The following WWOX variants were observed in gnomAD, a reference collection of about 807,000 sequenced individuals.
WWOX encodes the protein WW domain-containing oxidoreductase.
A neutral mutation model predicts 46.2 loss-of-function variants in WWOX; 69 were observed. That is an observed-to-expected ratio of 1.49 (90% CI 1.23 to 1.82). The LOEUF (loss-of-function observed/expected upper bound fraction) is 1.82, where lower values mean the gene tolerates loss of function less well. Among genes scored for constraint, WWOX ranks in the 40% most tolerant of loss-of-function variants. The probability of loss-of-function intolerance (pLI) is 0.00; values close to 1 mark genes in which losing one functional copy is unlikely to be tolerated. For synonymous variants in WWOX, 359 were observed against 202.6 expected (o/e 1.77, Z -6.56); for missense variants, 919 against 542.6 (o/e 1.69, Z -6.89).
intron 8 of WWOX, among the ~76,000 whole-genome samples, chr16:78,726,160 T>G (rs1159353414): frequency 6.8e-6 from 1 of 147,184 alleles, no homozygotes; most frequent in Non-Finnish European, 1.5e-5. Context: ...TCTTTCTCTT[T>G]CTGTGTCTCT....
rs1158669462 is a variant in WWOX at position 79,212,163 on chromosome 16, A to T, written c.*367A>T. ...CCCCTCGTCCCATCCAGCTACCACC[A>T]CGGCCACCACTGCAGCCGGGGGCTG... On this transcript the variant is annotated 3_prime_UTR_variant, in exon 9 of 9. Transcript: ENST00000566780. 1 of 1,494,218 alleles carries T rather than the reference A, an allele frequency of 6.7e-7. No individual in the cohort carries two copies. The highest frequency in any genetic ancestry group is 8.9e-7 in the Non-Finnish European group (1 of 1,127,704). 92.6% of individuals were successfully genotyped at this position (1,494,218 alleles called of 1,614,324 possible).
At chr16:78,710,309 T>C (rs1057278042) in intron 8 of WWOX, among the ~76,000 whole-genome samples, 2 of 151,298 alleles carry the variant, frequency 1.3e-5, no homozygotes, top group Admixed American at 6.6e-5. Flanking sequence ...TCTCTGAAAG[T>C]AGTCTTCAAG....
At chr16:78,630,757 C>G (rs1597371828) in intron 8 of WWOX, among the ~76,000 whole-genome samples, 1 of 152,100 alleles carries the variant, frequency 6.6e-6, no homozygotes, top group South Asian at 2.1e-4. Context: ...AACCACCAAA[C>G]CTGGGTTGGC....
intron 8 of WWOX, among the ~76,000 whole-genome samples, chr16:78,966,554 GT>G (rs1457716303): frequency 6.6e-6 from 1 of 151,374 alleles, no homozygotes; most frequent in Non-Finnish European, 1.5e-5. Flanking sequence ...AATTTAGATT[GT>G]TTCTAAATTT....
intron 8 of WWOX, chr16:78,996,376 A>ACCCCCCCCCCCCCCC (rs1338159064): frequency 9.1e-6 from 4 of 438,794 alleles, no homozygotes; most frequent in African/African-American, 5.3e-5. Flanking sequence ...TTCTGCACCC[A>ACCCCCCCCCCCCCCC]CCCCCGCCCC....
intron 8 of WWOX, among the ~76,000 whole-genome samples, chr16:78,926,652 A>C (rs1281113650): frequency 6.6e-6 from 1 of 152,178 alleles, no homozygotes; most frequent in Non-Finnish European, 1.5e-5. Context: ...TGGGCAGCAT[A>C]CACTGGTATG....
chr16:79,049,657 G>A (rs917699881), intron 8 of WWOX, among the ~76,000 whole-genome samples: 6 of 152,010 alleles, frequency 3.9e-5, no homozygotes, highest in East Asian at 1.9e-4. Flanking sequence ...CCATGATGGC[G>A]AAACCCCGTC....
chr16:78,886,639 C>CATATATATATATAT lies in WWOX; in HGVS notation c.1057-324964_1057-324951dup, dbSNP rs3085495. Among the ~76,000 whole-genome samples, 234 of 144,828 alleles carry CATATATATATATAT rather than the reference C, an allele frequency of 1.6e-3. 1 individual carries two copies. Among genetic ancestry groups the CATATATATATATAT allele is most frequent in the South Asian group, 6.5e-3 (30 of 4,640 alleles). On this transcript the variant is annotated intron_variant, in intron 8 of 8. Coordinates refer to ENST00000566780, the MANE Select transcript of WWOX (RefSeq NM_016373.4). ...CTATATAAAATATTACAAAGAAAAACATATATATATATATATATGTAAAAT... is the reference window on the plus strand; with the variant it reads ...CTATATAAAATATTACAAAGAAAAACATATATATATATATATATATATATATATATATGTAAAAT...
At chr16:78,974,787 T>A (rs906621582) in intron 8 of WWOX, among the ~76,000 whole-genome samples, 2 of 152,148 alleles carry the variant, frequency 1.3e-5, no homozygotes, top group Admixed American at 1.3e-4. Flanking sequence ...CAGAATGGGA[T>A]GTTTAGGGCG....
intron 4 of WWOX, chr16:78,123,275 G>A (rs1337673265): frequency 2.6e-5 from 4 of 151,806 alleles, no homozygotes; most frequent in Non-Finnish European, 5.9e-5. Flanking sequence ...ATCACACAAG[G>A]GCATGTGTTT....
chr16:78,830,767 C>T (rs1018215566), intron 8 of WWOX, among the ~76,000 whole-genome samples: 2 of 151,744 alleles, frequency 1.3e-5, no homozygotes, highest in African/African-American at 2.4e-5. Context: ...AACATCTGAG[C>T]AGCTCAGGGC....
chr16:78,638,618 C>T (rs754770141), intron 8 of WWOX, among the ~76,000 whole-genome samples: 3 of 152,198 alleles, frequency 2.0e-5, no homozygotes, highest in Non-Finnish European at 2.9e-5. Flanking sequence ...ACTAATGCTT[C>T]TGACTTTTCC....
At chr16:78,376,633 G>T (rs1476263956) in intron 5 of WWOX, among the ~76,000 whole-genome samples, 1 of 152,142 alleles carries the variant, frequency 6.6e-6, no homozygotes, top group African/African-American at 2.4e-5. Flanking sequence ...TTGTTATGGG[G>T]GCTGTTCTGT....
intron 8 of WWOX, among the ~76,000 whole-genome samples, chr16:79,045,666 C>T (rs1295601158): frequency 1.3e-5 from 2 of 151,714 alleles, no homozygotes; most frequent in Non-Finnish European, 2.9e-5. Flanking sequence ...TTGGCTCAAT[C>T]ACTTACTAAC....
chr16:79,058,837 T>C (rs975509304), intron 8 of WWOX, among the ~76,000 whole-genome samples: 1 of 152,242 alleles, frequency 6.6e-6, no homozygotes, highest in Non-Finnish European at 1.5e-5. Context: ...GAAGATTGTG[T>C]ATTTTTATTT....
intron 8 of WWOX, among the ~76,000 whole-genome samples, chr16:78,990,947 C>T (rs2046875904): frequency 6.6e-6 from 1 of 152,224 alleles, no homozygotes; most frequent in Admixed American, 6.5e-5. Context: ...AAGAACCGAC[C>T]TCCAGGGGAG....
At chr16:78,733,400 A>G (rs868380259) in intron 8 of WWOX, among the ~76,000 whole-genome samples, 1 of 151,996 alleles carries the variant, frequency 6.6e-6, no homozygotes, top group South Asian at 2.1e-4. Flanking sequence ...GGCTGCAGTG[A>G]GCTACAATCA....
At chr16:78,584,157 T>G (rs2045134358) in intron 8 of WWOX, among the ~76,000 whole-genome samples, 1 of 152,234 alleles carries the variant, frequency 6.6e-6, no homozygotes, top group Admixed American at 6.5e-5. Context: ...TCTTGATCAT[T>G]TCTCCTTCTC....
At chr16:78,619,072 G>A (rs551722342) in intron 8 of WWOX, among the ~76,000 whole-genome samples, 1 of 138,004 alleles carries the variant, frequency 7.2e-6, no homozygotes, top group East Asian at 2.2e-4. Context: ...GAGGTGGGAG[G>A]ATCACTGGAG....
Sources: gnomAD v4.1 joint callset for allele counts (sites outside exome capture counted in the v4.1 genomes callset) on GRCh38, gnomAD v4.1.1 for gene constraint, MANE v1.5 for transcripts, NCBI Gene and HGNC (gene_info 2026-07-23, HGNC 2026-07-21) for gene names.